The following SLC5A11 variants were observed in gnomAD, a reference collection of about 807,000 sequenced individuals.
SLC5A11 encodes sodium/myo-inositol cotransporter 2.
In SLC5A11, 48 loss-of-function variants were observed where a neutral mutation model predicts 69.8. The ratio of observed to expected loss-of-function variants is 0.69; its 90% CI spans 0.55 to 0.87. The LOEUF (loss-of-function observed/expected upper bound fraction) is 0.87. SLC5A11 is among the 40% of genes least tolerant of loss of function. The probability of loss-of-function intolerance (pLI) is 0.00; values close to 1 mark genes in which losing one functional copy is unlikely to be tolerated. For missense variants in SLC5A11, 784 were observed against 866.1 expected (o/e 0.91, Z 1.19); for synonymous variants, 319 against 342.4 (o/e 0.93, Z 0.75).
At position 24,901,338 on chromosome 16, in the gene SLC5A11, G is replaced by T. The variant is rs183404451; in HGVS notation, c.1006+3229G>T. 6.6e-5 allele frequency among the ~76,000 whole-genome samples: 10 copies of T among 152,306 alleles called. No individual in the cohort carries two copies. The East Asian group carries it at 1.9e-3, about 29-fold the overall frequency. The stretch of plus-strand genomic sequence containing the variant: ...CTTAGAGAAATTATTCATTTGGCCA[G>T]GAGCAATGGCTCACACCTATAATCC... On this transcript the variant is annotated intron_variant, in intron 10 of 15. Transcript: ENST00000347898.
intron 7 of SLC5A11, among the ~76,000 whole-genome samples, chr16:24,879,887 T>C (rs746895435): frequency 6.6e-6 from 1 of 152,256 alleles, no homozygotes; most frequent in Non-Finnish European, 1.5e-5. Flanking sequence ...TTTCGTGGTA[T>C]ATCTGTACCA....
chr16:24,875,937 G>A (rs754179990), intron 6 of SLC5A11, among the ~76,000 whole-genome samples: 1 of 152,116 alleles, frequency 6.6e-6, no homozygotes, highest in Non-Finnish European at 1.5e-5. Flanking sequence ...GCTCACGCCT[G>A]TAATCTCAGC....
rs143510390 is a variant in SLC5A11, at chr16:24,865,850, G to A, written c.207+3178G>A. Among the ~76,000 whole-genome samples the A allele has an allele frequency of 6.1e-4, 92 of 151,722 alleles. 1 individual carries two copies. The highest frequency in any genetic ancestry group is 2.1e-3 in the African/African-American group (86 of 41,382). ...AAATAAACAAAGAGCACTGGTGAAG[G>A]TAACTATGTAAGTAAATATAACATA... On this transcript the variant is annotated intron_variant, in intron 3 of 15. Coordinates refer to ENST00000347898, the Ensembl canonical transcript of SLC5A11.
rs1369898997 is a variant in SLC5A11, at chr16:24,872,935, C to T, written c.372+716C>T. 4.7e-5 allele frequency among the ~76,000 whole-genome samples: 6 copies of T among 129,024 alleles called. No individual in the cohort carries two copies. The East Asian group carries it at 7.8e-4, about 17-fold the overall frequency. 84.6% of individuals were successfully genotyped at this position (129,024 alleles called of 152,430 possible). On this transcript the variant is annotated intron_variant, in intron 5 of 15. Coordinates refer to ENST00000347898, the Ensembl canonical transcript of SLC5A11. The stretch of plus-strand genomic sequence containing the variant: ...GGCAGGTCACTTGAGCCTAGGAGTT[C>T]GAGACCAGGCTGGGCAACATGGTGA...
intron 3 of SLC5A11, among the ~76,000 whole-genome samples, chr16:24,868,366 A>G (rs1234690325): frequency 4.6e-5 from 7 of 151,046 alleles, no homozygotes; most frequent in African/African-American, 2.4e-5. Flanking sequence ...CAAGGTGGGC[A>G]GATCACGAGG....
At chr16:24,902,514 A>G (rs2049710173) in intron 10 of SLC5A11, among the ~76,000 whole-genome samples, 1 of 150,312 alleles carries the variant, frequency 6.7e-6, no homozygotes, top group Non-Finnish European at 1.5e-5. Context: ...GACCTTGACC[A>G]TCTGTCTTAA....
chr16:24,906,548 A>T, intron 10 of SLC5A11, 109 bp from the exon 12 acceptor site: 2 of 565,526 alleles, frequency 3.5e-6, no homozygotes, highest in African/African-American at 1.9e-5. Flanking sequence ...TTTTTATTTC[A>T]TTGAGCTATA....
At chr16:24,906,527 G>A (rs773874274) in intron 10 of SLC5A11, 130 bp from the exon 12 acceptor site, 119 of 498,208 alleles carry the variant, frequency 2.4e-4, no homozygotes, top group Non-Finnish European at 3.4e-4. Context: ...AGCTTATAAA[G>A]TCTAGACTCT....
chr16:24,889,428 G>C (rs774189480), intron 8 of SLC5A11, among the ~76,000 whole-genome samples: 1 of 151,932 alleles, frequency 6.6e-6, no homozygotes, highest in Non-Finnish European at 1.5e-5. Context: ...GTTACAGTGA[G>C]CTATGATTGT....
chr16:24,861,818 G>GA lies in SLC5A11; in HGVS notation c.136-777dup, dbSNP rs200274081. Among the ~76,000 whole-genome samples, 516 of 149,694 alleles carry GA rather than the reference G, an allele frequency of 3.4e-3. 3 individuals are homozygous for GA. The highest frequency in any genetic ancestry group is 0.012 in the African/African-American group (501 of 40,160). Reference sequence around the variant, plus strand: ...GGAAAGAAAGAAAAGAAAAAAGAAAGAAAAAATTAATCACCAATGTGATAG... The same window carrying GA: ...GGAAAGAAAGAAAAGAAAAAAGAAAGAAAAAAATTAATCACCAATGTGATAG... On this transcript the variant is annotated intron_variant, in intron 2 of 15. Coordinates refer to ENST00000347898, the Ensembl canonical transcript of SLC5A11.
intron 5 of SLC5A11, 135 bp from the exon 7 acceptor site, chr16:24,875,492 T>A: frequency 1.4e-6 from 1 of 696,788 alleles, no homozygotes; most frequent in South Asian, 1.8e-5. Flanking sequence ...TTCTTAAGTA[T>A]CAGGTTGAGA....
intron 10 of SLC5A11, among the ~76,000 whole-genome samples, chr16:24,901,384 G>T (rs1416387195): frequency 6.6e-6 from 1 of 152,166 alleles, no homozygotes; most frequent in Non-Finnish European, 1.5e-5. Flanking sequence ...GGAGGCCAAG[G>T]CAGGCAGATC....
intron 1 of SLC5A11, among the ~76,000 whole-genome samples, chr16:24,847,018 A>G (rs991524512): frequency 6.6e-6 from 1 of 152,234 alleles, no homozygotes; most frequent in African/African-American, 2.4e-5. Flanking sequence ...GGGTCATTAA[A>G]TAACTTGCTC....
At position 24,884,040 on chromosome 16, in the gene SLC5A11, C is replaced by T. The variant is rs72770465; in HGVS notation, c.584-11C>T. Reference sequence around the variant, plus strand: ...ACTCCCTGACCCTCACCTCCGTGCTCATCCCACCAGGTGGCCTGGCTGCTG... The same window carrying T: ...ACTCCCTGACCCTCACCTCCGTGCTTATCCCACCAGGTGGCCTGGCTGCTG... On this transcript the variant is annotated splice_polypyrimidine_tract_variant and intron_variant, in intron 7 of 15. Coordinates refer to ENST00000347898, the Ensembl canonical transcript of SLC5A11. 189,504 of 1,612,494 alleles carry T rather than the reference C, an allele frequency of 0.12. 12,238 individuals are homozygous for T. Among genetic ancestry groups the T allele is most frequent in the South Asian group, 0.13 (12,240 of 90,954 alleles).
chr16:24,858,874 G>T, intron 2 of SLC5A11, 96 bp downstream of exon 3: 1 of 1,417,684 alleles, frequency 7.1e-7, no homozygotes, highest in South Asian at 1.6e-5. Flanking sequence ...CTAAGATACT[G>T]ACTGTGAGAG....
intron 3 of SLC5A11, among the ~76,000 whole-genome samples, chr16:24,868,596 C>CA (rs71156448): frequency 0.62 from 77,119 of 123,698 alleles, 23,844 homozygotes; most frequent in Non-Finnish European, 0.71. Context: ...GACTCCGCCT[C>CA]AAAAAAAAAA....
At chr16:24,860,950 G>A (rs888778769) in intron 2 of SLC5A11, among the ~76,000 whole-genome samples, 7 of 151,876 alleles carry the variant, frequency 4.6e-5, no homozygotes, top group African/African-American at 9.7e-5. Flanking sequence ...CTCGTGATCC[G>A]CCTGCCTCGG....
chr16:24,886,513 GA>G (rs1382564234), intron 8 of SLC5A11, among the ~76,000 whole-genome samples: 2 of 148,214 alleles, frequency 1.3e-5, no homozygotes, highest in African/African-American at 2.4e-5. Flanking sequence ...AAAAAGGTCA[GA>G]AAAAAATGGA....
intron 10 of SLC5A11, among the ~76,000 whole-genome samples, chr16:24,899,106 C>G (rs2049396198): frequency 6.6e-6 from 1 of 152,344 alleles, no homozygotes; most frequent in Non-Finnish European, 1.5e-5. Flanking sequence ...GCATGAGCCA[C>G]CATGCCTGGC....
Sources: allele counts gnomAD v4.1 joint callset (sites outside exome capture counted in the v4.1 genomes callset), GRCh38; gene constraint gnomAD v4.1.1; transcripts MANE v1.5; gene names NCBI Gene and HGNC (gene_info 2026-07-23, HGNC 2026-07-21).